Variants in AGBL1 observed in about 807,000 individuals in gnomAD.
AGBL1 encodes cytosolic carboxypeptidase 4.
In AGBL1, 130 loss-of-function variants were observed where a neutral mutation model predicts 118.9. That is an observed-to-expected ratio of 1.09 (90% confidence interval 0.95 to 1.26). The LOEUF is 1.26. AGBL1 is among the 50% of genes most tolerant of loss of function. The pLI is 0.00. For synonymous variants in AGBL1, 555 were observed against 478.9 expected, an observed-to-expected ratio of 1.16 and a Z score of -2.08; for missense variants, 1,584 against 1,298.1, an observed-to-expected ratio of 1.22 and a Z score of -3.38.
intron 22 of AGBL1, among the ~76,000 whole-genome samples, chr15:86,845,916 T>C (rs1161164488): frequency 3.3e-5 from 5 of 152,190 alleles, no homozygotes; most frequent in Admixed American, 3.3e-4. Context: ...GACTCTATTG[T>C]GTGACACAGA....
chr15:86,081,320 C>T (rs896049846), intron 1 of AGBL1, among the ~76,000 whole-genome samples: 2 of 152,052 alleles, frequency 1.3e-5, no homozygotes, highest in Non-Finnish European at 2.9e-5. Flanking sequence ...GGATTACAGG[C>T]GTGAGCCACT....
chr15:87,015,929 G>T (rs2081604686), intron 24 of AGBL1, among the ~76,000 whole-genome samples: 1 of 152,156 alleles, frequency 6.6e-6, no homozygotes, highest in Non-Finnish European at 1.5e-5. Flanking sequence ...AGCGTGGGAA[G>T]TTTACTGTGT....
intron 22 of AGBL1, among the ~76,000 whole-genome samples, chr15:86,862,722 A>G (rs545662694): frequency 1.3e-5 from 2 of 152,098 alleles, no homozygotes; most frequent in East Asian, 3.9e-4. Context: ...TCCATCTCCA[A>G]ACAAAAACAA....
downstream of AGBL1, among the ~76,000 whole-genome samples, chr15:87,029,606 G>T (rs1180455285): frequency 6.6e-6 from 1 of 151,828 alleles, no homozygotes; most frequent in Non-Finnish European, 1.5e-5. Context: ...GATGACTATA[G>T]TTATATGTCC....
chr15:86,854,108 C>G (rs2079445122), intron 22 of AGBL1, among the ~76,000 whole-genome samples: 1 of 152,174 alleles, frequency 6.6e-6, no homozygotes, highest in Non-Finnish European at 1.5e-5. Flanking sequence ...TTTCTCCCTC[C>G]TCTGCATTTT....
chr15:86,685,659 T>C (rs2086040816), intron 22 of AGBL1, among the ~76,000 whole-genome samples: 1 of 152,108 alleles, frequency 6.6e-6, no homozygotes, highest in African/African-American at 2.4e-5. Context: ...ATTATTACTA[T>C]TATGATTAAT....
chr15:86,548,428 C>T (rs139375877), intron 20 of AGBL1, among the ~76,000 whole-genome samples: 9 of 152,184 alleles, frequency 5.9e-5, no homozygotes, highest in East Asian at 1.9e-4. Context: ...CTCTGCAAAA[C>T]GCAGTATAAA....
At chr15:86,616,374 G>GAAAAAAAAAAAAAAAAAAA (rs2084725990) in intron 21 of AGBL1, among the ~76,000 whole-genome samples, 1 of 142,396 alleles carries the variant, frequency 7.0e-6, no homozygotes, top group African/African-American at 2.8e-5. Flanking sequence ...AAAAAAAAAT[G>GAAAAAAAAAAAAAAAAAAA]AAGATGGAAA....
At chr15:86,839,674 C>T (rs2079218468) in intron 22 of AGBL1, among the ~76,000 whole-genome samples, 1 of 152,132 alleles carries the variant, frequency 6.6e-6, no homozygotes, top group African/African-American at 2.4e-5. Flanking sequence ...CTAAATATGA[C>T]AACTAAATAT....
intron 22 of AGBL1, among the ~76,000 whole-genome samples, chr15:86,694,371 T>C (rs897112497): frequency 2.6e-5 from 4 of 152,062 alleles, no homozygotes; most frequent in African/African-American, 9.7e-5. Flanking sequence ...TAAAGGGTGT[T>C]GAGTTATTGA....
At chr15:86,928,937 G>A (rs1385361200) in intron 23 of AGBL1, among the ~76,000 whole-genome samples, 1 of 152,010 alleles carries the variant, frequency 6.6e-6, no homozygotes, top group Non-Finnish European at 1.5e-5. Flanking sequence ...CATTTAAAAT[G>A]TACAATTTAG....
intron 21 of AGBL1, among the ~76,000 whole-genome samples, chr15:86,591,745 A>G (rs956871983): frequency 2.6e-5 from 4 of 152,140 alleles, no homozygotes; most frequent in African/African-American, 4.8e-5. Context: ...AGGCTTCATT[A>G]CATTGGCACA....
At chr15:86,365,510 A>G (rs1283596310) in intron 17 of AGBL1, among the ~76,000 whole-genome samples, 1 of 152,002 alleles carries the variant, frequency 6.6e-6, no homozygotes, top group Non-Finnish European at 1.5e-5. Flanking sequence ...ATAAATTGAA[A>G]TTTACCATTT....
chr15:86,428,306 C>A (rs577268252), intron 18 of AGBL1, among the ~76,000 whole-genome samples: 1 of 152,172 alleles, frequency 6.6e-6, no homozygotes, highest in Non-Finnish European at 1.5e-5. Flanking sequence ...GTGCCACCTG[C>A]AATACCTGGG....
chr15:86,758,246 A>G (rs2077970279), intron 22 of AGBL1, among the ~76,000 whole-genome samples: 1 of 151,964 alleles, frequency 6.6e-6, no homozygotes, highest in East Asian at 1.9e-4. Context: ...CATTTCCTAA[A>G]CACTCCAAGC....
chr15:86,191,280 G>A lies in AGBL1; in HGVS notation c.488+32254G>A, dbSNP rs368462116. Among the ~76,000 whole-genome samples the A allele has an allele frequency of 2.5e-4, 36 of 144,674 alleles. 1 individual carries two copies. The highest frequency in any genetic ancestry group is 1.6e-3 in the East Asian group (8 of 4,898). 94.9% of individuals were successfully genotyped at this position (144,674 alleles called of 152,430 possible). ...GGAGAATCACTTGAACCTGGGAGGC[G>A]GAGGTTGTGGTGAGCCAAGATTGCA... On this transcript the variant is annotated intron_variant, in intron 5 of 22. Coordinates refer to ENST00000614907, the MANE Select transcript of AGBL1 (RefSeq NM_001386094.1).
At chr15:86,558,674 G>T (rs932328272) in intron 21 of AGBL1, among the ~76,000 whole-genome samples, 3 of 152,204 alleles carry the variant, frequency 2.0e-5, no homozygotes, top group Admixed American at 2.0e-4. Context: ...GTTGGAGATG[G>T]TTTAGTGGGG....
At chr15:86,898,274 C>T (rs1450977199) in intron 22 of AGBL1, among the ~76,000 whole-genome samples, 1 of 152,116 alleles carries the variant, frequency 6.6e-6, no homozygotes, top group African/African-American at 2.4e-5. Context: ...GAAATCTTTT[C>T]TGATTCCTGT....
chr15:86,419,203 C>A (rs755003819), intron 18 of AGBL1, among the ~76,000 whole-genome samples: 3 of 151,126 alleles, frequency 2.0e-5, no homozygotes, highest in Non-Finnish European at 4.4e-5. Flanking sequence ...CGGTCTATAG[C>A]TCCTACCGAG....
Sources: gnomAD v4.1 joint callset for allele counts (sites outside exome capture counted in the v4.1 genomes callset) on GRCh38, gnomAD v4.1.1 for gene constraint, MANE v1.5 for transcripts, NCBI Gene and HGNC (gene_info 2026-07-23, HGNC 2026-07-21) for gene names.